BST1: variants seen among roughly 807,000 people sequenced by gnomAD.
BST1 encodes the protein bone marrow stromal cell antigen 1, also known as ADP-ribosyl cyclase/cyclic ADP-ribose hydrolase 2.
In BST1, 49 loss-of-function variants were observed where a neutral mutation model predicts 40.6. That is an observed-to-expected ratio of 1.21 (90% confidence interval 0.96 to 1.53). BST1 has a LOEUF of 1.53. BST1 is among the 40% of genes most tolerant of loss of function. The pLI is 0.00. For synonymous variants in BST1, 157 were observed against 159.3 expected, an observed-to-expected ratio of 0.99 and a Z score of 0.11; for missense variants, 423 against 395.9, an observed-to-expected ratio of 1.07 and a Z score of -0.58.
Position 15,718,797 on chromosome 4 carries a change from G to A in BST1, c.705-110G>A, listed in dbSNP as rs935944054. The stretch of plus-strand genomic sequence containing the variant: ...AGACATTCCAGTTTTCTTTCTGAGA[G>A]TAGAATATCCAGGAGCACATGGTCA... On this transcript the variant is annotated intron_variant, in intron 6 of 8. Coordinates refer to ENST00000265016, the MANE Select transcript of BST1 (RefSeq NM_004334.3). 5.0e-5 allele frequency: 43 copies of A among 866,848 alleles called. No individual in the cohort carries two copies. In the East Asian group the frequency reaches 8.7e-4, roughly 18 times the overall value. 53.7% of individuals were successfully genotyped at this position (866,848 alleles called of 1,614,324 possible).
At chr4:15,739,554 CGTGTGTGT>C (rs58171340), downstream of BST1, among the ~76,000 whole-genome samples, 3,128 of 144,026 alleles carry the variant, frequency 0.022, 107 homozygotes, top group African/African-American at 0.075. Flanking sequence ...GAAGCCAAAC[CGTGTGTGT>C]GTGTGTGTGT....
chr4:15,763,064 A>G, the BST1 span, among the ~76,000 whole-genome samples: 1 of 152,110 alleles, frequency 6.6e-6, no homozygotes, highest in South Asian at 2.1e-4. Flanking sequence ...GCATTACACT[A>G]TTGATCTGGA....
the BST1 span, among the ~76,000 whole-genome samples, chr4:15,762,605 A>C: frequency 6.6e-6 from 1 of 151,944 alleles, no homozygotes; most frequent in Non-Finnish European, 1.5e-5. Flanking sequence ...GCTAACCCCA[A>C]CTTCCTGACA....
chr4:15,739,427 T>C (rs543485910), downstream of BST1, among the ~76,000 whole-genome samples: 2 of 152,346 alleles, frequency 1.3e-5, no homozygotes, highest in South Asian at 4.1e-4. Flanking sequence ...GTATTCTTTG[T>C]TACGTGATTT....
At chr4:15,750,004 C>T in the BST1 span, among the ~76,000 whole-genome samples, 1 of 151,230 alleles carries the variant, frequency 6.6e-6, no homozygotes, top group Non-Finnish European at 1.5e-5. Context: ...CCCTTCCCAG[C>T]CTCTGGTAAC....
the BST1 span, among the ~76,000 whole-genome samples, chr4:15,763,346 A>T: frequency 9.9e-5 from 15 of 151,824 alleles, no homozygotes; most frequent in Non-Finnish European, 2.1e-4. Flanking sequence ...AAATCTTAGG[A>T]TATAAATTCC....
rs1480731218 is a variant in BST1 at position 15,715,923 on chromosome 4, G to T, written c.704+124G>T. ...GACAGCCTTCTTTGCTTCTAATGGG[G>T]TTGGTAGAGAAAGACAAAAGCTTGA... On this transcript the variant is annotated intron_variant, in intron 6 of 8. Transcript: ENST00000265016. The T allele has an allele frequency of 4.1e-5, 28 of 678,142 alleles. No homozygotes were observed. The East Asian group carries it at 9.0e-4, about 22-fold the overall frequency. 42.0% of individuals were successfully genotyped at this position (678,142 alleles called of 1,614,324 possible). A position where few individuals can be genotyped will look rare whatever the true frequency, so the allele number is the denominator to read the frequency against.
At chr4:15,767,686 C>T in the BST1 span, among the ~76,000 whole-genome samples, 2 of 138,596 alleles carry the variant, frequency 1.4e-5, no homozygotes, top group African/African-American at 2.7e-5. Flanking sequence ...GCACACAGAA[C>T]ACTTTATTGT....
At chr4:15,746,413 T>C in the BST1 span, among the ~76,000 whole-genome samples, 1 of 152,230 alleles carries the variant, frequency 6.6e-6, no homozygotes, top group Admixed American at 6.5e-5. Flanking sequence ...TTTCTCACAG[T>C]TCTGGAGACT....
At chr4:15,708,941 A>T (rs1038781751) in intron 3 of BST1, among the ~76,000 whole-genome samples, 3 of 152,176 alleles carry the variant, frequency 2.0e-5, no homozygotes, top group African/African-American at 7.2e-5. Flanking sequence ...TCATTTGTCC[A>T]TCAAACTAAA....
chr4:15,720,820 C>T (rs907154775), intron 7 of BST1, among the ~76,000 whole-genome samples: 5 of 152,032 alleles, frequency 3.3e-5, no homozygotes, highest in South Asian at 2.1e-4. Context: ...CCCTAGCCAT[C>T]GCCCCCTCAA....
At chr4:15,752,441 T>C in the BST1 span, among the ~76,000 whole-genome samples, 1 of 151,166 alleles carries the variant, frequency 6.6e-6, no homozygotes, top group Admixed American at 6.6e-5. Flanking sequence ...CAGGCTGGAG[T>C]GCAATGGCGC....
chr4:15,749,138 T>C, the BST1 span, among the ~76,000 whole-genome samples: 2 of 152,142 alleles, frequency 1.3e-5, no homozygotes, highest in Non-Finnish European at 2.9e-5. Context: ...TGCCAGTCAT[T>C]GGTTGAGGGC....
At chr4:15,731,470 C>A (rs4328911) in intron 8 of BST1, 59,460 of 884,288 alleles carry the variant, frequency 0.067, 6,309 homozygotes, top group East Asian at 0.51. Flanking sequence ...TTAAGCCTGA[C>A]GGTGCCCGAG....
chr4:15,759,491 C>T, the BST1 span, among the ~76,000 whole-genome samples: 3 of 151,854 alleles, frequency 2.0e-5, no homozygotes, highest in African/African-American at 7.3e-5. Context: ...TCCATTTCCT[C>T]CTTCATTTTC....
chr4:15,708,873 T>C (rs1720035054), intron 3 of BST1, among the ~76,000 whole-genome samples: 1 of 152,074 alleles, frequency 6.6e-6, no homozygotes, highest in African/African-American at 2.4e-5. Flanking sequence ...AGAGTGAGAC[T>C]CGGCACACAC....
At chr4:15,761,544 C>T in the BST1 span, among the ~76,000 whole-genome samples, 54,142 of 151,818 alleles carry the variant, frequency 0.36, 10,121 homozygotes, top group African/African-American at 0.42. Context: ...GAAAACCAAG[C>T]TTAAAACATA....
the BST1 span, among the ~76,000 whole-genome samples, chr4:15,757,988 C>T: frequency 6.6e-6 from 1 of 152,124 alleles, no homozygotes; most frequent in Non-Finnish European, 1.5e-5. Context: ...AACCCAATAA[C>T]ATCAGCATTT....
At chr4:15,760,823 G>A in the BST1 span, among the ~76,000 whole-genome samples, 1 of 150,812 alleles carries the variant, frequency 6.6e-6, no homozygotes, top group Admixed American at 6.6e-5. Flanking sequence ...TGAGTAGTGG[G>A]GACCACAGGT....
Sources: allele counts gnomAD v4.1 joint callset (sites outside exome capture counted in the v4.1 genomes callset), GRCh38; gene constraint gnomAD v4.1.1; transcripts MANE v1.5; gene names NCBI Gene and HGNC (gene_info 2026-07-23, HGNC 2026-07-21).